The following SH3TC1 variants were observed in gnomAD, a reference collection of about 807,000 sequenced individuals.
SH3TC1 encodes SH3 domain and tetratricopeptide repeat-containing protein 1.
A neutral mutation model predicts 117.3 loss-of-function variants in SH3TC1; 135 were observed. That is an observed-to-expected ratio of 1.15 (90% CI 1.00 to 1.33). The LOEUF is 1.33. Among genes scored for constraint, SH3TC1 ranks in the 40% most tolerant of loss-of-function variants. SH3TC1 has a pLI of 0.00. For missense variants in SH3TC1, 2,092 were observed against 1,794.3 expected (o/e 1.17, Z -3.00); for synonymous variants, 898 against 816.9 (o/e 1.10, Z -1.69).
chr4:8,216,869 C>G, intron 6 of SH3TC1, 88 bp from the exon 7 acceptor site: 1 of 1,380,162 alleles, frequency 7.2e-7, no homozygotes, highest in East Asian at 2.3e-5. Context: ...GTGTTGCCTT[C>G]GTTGTCTGTC....
At chr4:8,239,317 GCA>G (rs200173464) in intron 17 of SH3TC1, among the ~76,000 whole-genome samples, 1 of 147,734 alleles carries the variant, frequency 6.8e-6, no homozygotes, top group Non-Finnish European at 1.5e-5. Flanking sequence ...ACAGGCACAG[GCA>G]CAGAGACACA....
intron 17 of SH3TC1, 70 bp downstream of exon 17, chr4:8,237,740 G>A (rs577524233): frequency 2.7e-6 from 4 of 1,475,728 alleles, no homozygotes; most frequent in South Asian, 2.7e-5. Flanking sequence ...CCAGACCCCT[G>A]AGGCATGTGT....
chr4:8,199,512 C>T (rs956115464), intron 1 of SH3TC1, 107 bp downstream of exon 1: 1 of 152,234 alleles, frequency 6.6e-6, no homozygotes, highest in African/African-American at 2.4e-5. Flanking sequence ...CTTTTCTGAC[C>T]TGTTTGGGAT....
chr4:8,219,494 G>C lies in SH3TC1; in HGVS notation c.1076G>C (p.Arg359Pro), dbSNP rs144098712. Residue 359 changes from arginine (R) to proline (P), a missense_variant, in exon 9 of 18, where the codon CGG becomes CCG. Coordinates refer to ENST00000245105, the MANE Select transcript of SH3TC1 (RefSeq NM_018986.5). Reference protein sequence around the residue: ...HAASGRVGFVRSSLISMQGPV... With the variant: ...HAASGRVGFVPSSLISMQGPV... Reference sequence around the variant, plus strand: ...GCCTCGGGCCGGGTGGGGTTTGTGCGGAGCAGCCTCATCAGCATGCAGGGC... The same window carrying C: ...GCCTCGGGCCGGGTGGGGTTTGTGCCGAGCAGCCTCATCAGCATGCAGGGC... The C allele has an allele frequency of 1.3e-6, 2 of 1,592,260 alleles. No homozygotes were observed. Among genetic ancestry groups the C allele is most frequent in the Non-Finnish European group, 1.7e-6 (2 of 1,165,496 alleles).
At position 8,216,274 on chromosome 4, in the gene SH3TC1, G is replaced by T; in HGVS notation, c.628+17G>T. The T allele has an allele frequency of 1.9e-6, 3 of 1,610,248 alleles. No individual in the cohort carries two copies. The highest frequency in any genetic ancestry group is 2.5e-6 in the Non-Finnish European group (3 of 1,178,182). ...TCCAAGAAGGTGAGCGTTGCATGGGGTGATGGCCGAGATCCAGCTGTGCGG... is the reference window on the plus strand; with the variant it reads ...TCCAAGAAGGTGAGCGTTGCATGGGTTGATGGCCGAGATCCAGCTGTGCGG... On this transcript the variant is annotated intron_variant, in intron 6 of 17. Coordinates refer to ENST00000245105, the MANE Select transcript of SH3TC1 (RefSeq NM_018986.5).
intron 12 of SH3TC1, chr4:8,231,759 G>C: frequency 3.4e-6 from 2 of 583,854 alleles, no homozygotes; most frequent in Non-Finnish European, 6.0e-6. Flanking sequence ...AGCTCGGCTA[G>C]GGCCTCAGCC....
In SH3TC1 at chr4:8,231,963, G is replaced by A; in HGVS notation, c.2951-13G>A. 1 of 1,608,620 alleles carries A rather than the reference G, an allele frequency of 6.2e-7. No homozygotes were observed. The highest frequency in any genetic ancestry group is 8.5e-7 in the Non-Finnish European group (1 of 1,179,512). On this transcript the variant is annotated splice_polypyrimidine_tract_variant and intron_variant, in intron 12 of 17. Transcript: ENST00000245105. ...CTGGGAGGCTGACGTCTTCCTTTTT[G>A]TCTTCTGCCCAGGCCAGCTGCGGGC...
At chr4:8,184,534 C>T (rs1362623926) in intron 1 of SH3TC1, among the ~76,000 whole-genome samples, 1 of 152,182 alleles carries the variant, frequency 6.6e-6, no homozygotes, top group Non-Finnish European at 1.5e-5. Context: ...CACATGCCAC[C>T]ACACCCAGCT....
intron 1 of SH3TC1, among the ~76,000 whole-genome samples, chr4:8,187,580 T>A (rs1717266413): frequency 6.7e-6 from 1 of 149,080 alleles, no homozygotes; most frequent in South Asian, 2.1e-4. Context: ...GGAGATGGAG[T>A]CTTGCTCTAT....
In SH3TC1 at chr4:8,223,633, T is replaced by G. The variant is rs970536407; in HGVS notation, c.1243+663T>G. Among the ~76,000 whole-genome samples, 21 of 120,482 alleles carry G rather than the reference T, an allele frequency of 1.7e-4. No homozygotes were observed. The South Asian group carries it at 4.6e-3, about 27-fold the overall frequency. The allele number at this position is 120,482 out of a possible 152,430, so 79.0% of individuals were successfully genotyped here. A position where few individuals can be genotyped will look rare whatever the true frequency, so the allele number is the denominator to read the frequency against. On this transcript the variant is annotated intron_variant, in intron 10 of 17. Transcript: ENST00000245105. The stretch of plus-strand genomic sequence containing the variant: ...ACAAATGTGTGGCTACACACCCACT[T>G]TTTTTTTTTTTTTTTTTGAGACAGA...
At chr4:8,212,125 C>T (rs1301427472) in intron 3 of SH3TC1, among the ~76,000 whole-genome samples, 1 of 151,946 alleles carries the variant, frequency 6.6e-6, no homozygotes, top group Non-Finnish European at 1.5e-5. Flanking sequence ...GGGTGGGGGC[C>T]CTCTGCCCTC....
chr4:8,235,462 C>T lies in SH3TC1; in HGVS notation c.3312C>T (p.Gly1104=), dbSNP rs372744255. ...CACAGAACGTGGCCCTGTACACAGG[C>T]GACCCCAACCTGGGGCTGGAGCTGT... ...QVAQNVALYT[G]DPNLGLELFE... Residue 1104 remains glycine (G), a synonymous_variant, in exon 15 of 18, where the codon GGC becomes GGT. Coordinates refer to ENST00000245105, the MANE Select transcript of SH3TC1 (RefSeq NM_018986.5). 3.3e-5 allele frequency: 53 copies of T among 1,594,060 alleles called. No homozygotes were observed. The highest frequency in any genetic ancestry group is 2.1e-4 in the South Asian group (19 of 88,678).
chr4:8,212,722 C>T lies in SH3TC1; in HGVS notation c.269C>T (p.Ala90Val). The T allele has an allele frequency of 6.2e-7, 1 of 1,612,940 alleles. No homozygotes were observed. Among genetic ancestry groups the T allele is most frequent in the Non-Finnish European group, 8.5e-7 (1 of 1,179,942 alleles). The stretch of plus-strand genomic sequence containing the variant: ...CCAGACCTGACCCTGCAGCTGCTGG[C>T]TGTGCGGAGGAAGAGCAGACTGCGG... The part of the protein sequence containing the change: ...YPTDLTLQLL[A>V]VRRKSRLRDP... The change falls in exon 4 of 18, where the codon GCT becomes GTT. Residue 90 changes from alanine (A) to valine (V), a missense_variant. By Grantham distance (64) the Ala-to-Val change is moderately conservative. Coordinates refer to ENST00000245105, the MANE Select transcript of SH3TC1 (RefSeq NM_018986.5).
rs934048107 is a variant in SH3TC1 at position 8,190,721 on chromosome 4, G to A, written c.-57+8511G>A. On this transcript the variant is annotated intron_variant, in intron 1 of 16. Transcript: ENST00000508641. The surrounding 1 kb of genome is among the most constrained non-coding windows in gnomAD (Gnocchi z 4.7). ...AGTAGTGTGGTTATCGCTCGCTGCAGCCTCCAACTCCTGGGCTCAAGCAAT... is the reference window on the plus strand; with the variant it reads ...AGTAGTGTGGTTATCGCTCGCTGCAACCTCCAACTCCTGGGCTCAAGCAAT... Among the ~76,000 whole-genome samples the A allele has an allele frequency of 6.6e-6, 1 of 152,046 alleles. No individual in the cohort carries two copies. Among genetic ancestry groups the A allele is most frequent in the African/African-American group, 2.4e-5 (1 of 41,394 alleles).
intron 13 of SH3TC1, 97 bp from the exon 14 acceptor site, chr4:8,233,266 C>G (rs1039620198): frequency 4.0e-6 from 6 of 1,499,152 alleles, no homozygotes; most frequent in Middle Eastern, 2.1e-4. Context: ...CGTTCCCAGT[C>G]CCATTCCAGA....
Position 8,217,080 on chromosome 4 carries a change from A to G in SH3TC1, c.752A>G (p.Glu251Gly). The G allele has an allele frequency of 6.2e-7, 1 of 1,613,042 alleles. No individual in the cohort carries two copies. ...GCACCCCAGGGAGAGGCGGCCCCGGAAACAGACTCTTCACCGCCGAGCCCC... is the reference window on the plus strand; with the variant it reads ...GCACCCCAGGGAGAGGCGGCCCCGGGAACAGACTCTTCACCGCCGAGCCCC... ...SGAPQGEAAP[E>G]TDSSPPSPSV... Residue 251 changes from glutamate (E) to glycine (G), a missense_variant, in exon 7 of 18, where the codon GAA becomes GGA. Glu to Gly is a moderately conservative substitution (Grantham distance 98). Coordinates refer to ENST00000245105, the MANE Select transcript of SH3TC1 (RefSeq NM_018986.5).
chr4:8,232,398 C>G (rs1029763639), intron 13 of SH3TC1: 1 of 1,578,776 alleles, frequency 6.3e-7, no homozygotes, highest in African/African-American at 1.3e-5. Context: ...GCTTGCACAC[C>G]TCCCCAAAGG....
chr4:8,231,840 C>T, intron 12 of SH3TC1, 136 bp from the exon 13 acceptor site: 1 of 979,566 alleles, frequency 1.0e-6, no homozygotes, highest in South Asian at 1.6e-5. Flanking sequence ...TCACGGTGTG[C>T]TCAGCGGTTC....
chr4:8,219,644 T>C lies in SH3TC1; in HGVS notation c.1112+114T>C, dbSNP rs184401648. 9.2e-4 allele frequency: 1,071 copies of C among 1,162,824 alleles called. 3 individuals are homozygous for C. The highest frequency in any genetic ancestry group is 7.7e-3 in the African/African-American group (488 of 63,768). 72.0% of individuals were successfully genotyped at this position (1,162,824 alleles called of 1,614,324 possible). ...CAAGCCTGAAAGTCACTGTGGACGATGCCTAGTCTCTTCCCTTGTCCTCAG... is the reference window on the plus strand; with the variant it reads ...CAAGCCTGAAAGTCACTGTGGACGACGCCTAGTCTCTTCCCTTGTCCTCAG... On this transcript the variant is annotated intron_variant, in intron 9 of 17. Transcript: ENST00000245105.
Sources: gnomAD v4.1 joint callset for allele counts (sites outside exome capture counted in the v4.1 genomes callset) on GRCh38, gnomAD v4.1.1 for gene constraint, Gnocchi (gnomAD v3.1) non-coding constraint, MANE v1.5 for transcripts, NCBI Gene and HGNC (gene_info 2026-07-23, HGNC 2026-07-21) for gene names.